The following RPE65 variants were observed in gnomAD, a reference collection of about 807,000 sequenced individuals.
The protein encoded by RPE65 is retinoid isomerohydrolase.
A neutral mutation model predicts 68.5 loss-of-function variants in RPE65; 58 were observed. That is an observed-to-expected ratio of 0.85 (90% CI 0.69 to 1.05). The LOEUF (loss-of-function observed/expected upper bound fraction) is 1.05. Among genes scored for constraint, RPE65 ranks in the 50% least tolerant of loss-of-function variants. The pLI is 0.00. For synonymous variants in RPE65, 220 were observed against 222.2 expected (o/e 0.99, Z 0.09); for missense variants, 643 against 629.9 (o/e 1.02, Z -0.22).
intron 6 of RPE65, among the ~76,000 whole-genome samples, chr1:68,440,403 A>G (rs562468101): frequency 6.6e-6 from 1 of 152,312 alleles, no homozygotes; most frequent in African/African-American, 2.4e-5. Flanking sequence ...TAGTACTTCT[A>G]TGAGATAACA....
chr1:68,444,421 G>T, intron 5 of RPE65, 110 bp downstream of exon 5: 5 of 1,379,982 alleles, frequency 3.6e-6, no homozygotes, highest in Middle Eastern at 1.8e-4. Context: ...GTCATTCTGT[G>T]TGTCCTCATC....
At chr1:68,447,776 T>G (rs2986125) in intron 2 of RPE65, among the ~76,000 whole-genome samples, 63,450 of 151,974 alleles carry the variant, frequency 0.42, 15,431 homozygotes, top group African/African-American at 0.67. Context: ...CATAAACCCA[T>G]GAGGCGGAGC....
chr1:68,444,645 C>T lies in RPE65; in HGVS notation c.381G>A (p.Glu127=). ...CATTAACAAGGGCATTGTCAGTAACCTCTACTCCTCGAAAGTAAGAAAAAA... is the reference window on the plus strand; with the variant it reads ...CATTAACAAGGGCATTGTCAGTAACTTCTACTCCTCGAAAGTAAGAAAAAA... The part of the protein sequence containing the change: ...SRFFSYFRGV[E]VTDNALVNVY... Residue 127 remains glutamate, a synonymous_variant, in exon 5 of 14, where the codon GAG becomes GAA. Transcript: ENST00000262340. The T allele has an allele frequency of 1.9e-6, 3 of 1,614,094 alleles. No individual in the cohort carries two copies. The highest frequency in any genetic ancestry group is 2.5e-6 in the Non-Finnish European group (3 of 1,180,028).
chr1:68,439,453 T>G, intron 7 of RPE65, 108 bp downstream of exon 7: 1 of 1,558,688 alleles, frequency 6.4e-7, no homozygotes, highest in Non-Finnish European at 8.8e-7. Context: ...ATGTTTAAAT[T>G]TAGTTTTCTG....
At chr1:68,431,873 A>G (rs1405604753) in intron 10 of RPE65, among the ~76,000 whole-genome samples, 1 of 152,104 alleles carries the variant, frequency 6.6e-6, no homozygotes, top group African/African-American at 2.4e-5. Flanking sequence ...CTCCAAAGAA[A>G]GGCCTCTGAA....
intron 10 of RPE65, 46 bp from the exon 11 acceptor site, chr1:68,431,631 A>C: frequency 3.3e-6 from 5 of 1,497,522 alleles, no homozygotes; most frequent in Non-Finnish European, 4.6e-6. Flanking sequence ...GAAAGAATTC[A>C]AACAGCCAGA....
chr1:68,447,004 G>A (rs751898884), intron 2 of RPE65, 144 bp from the exon 3 acceptor site: 25 of 1,077,388 alleles, frequency 2.3e-5, no homozygotes, highest in African/African-American at 7.7e-5. Context: ...CAGCCCTCGC[G>A]CTGGACAGCA....
chr1:68,448,663 C>A lies in RPE65; in HGVS notation c.55G>T (p.Val19Leu), dbSNP rs1645959896. ...AGGYKKLFET[V>L]EELSSPLTAH... Reference sequence around the variant, plus strand: ...GTGAGCGGCGAGGACAGTTCCTCCACAGTTTCAAACAGTTTCTTGTAACCA... The same window carrying A: ...GTGAGCGGCGAGGACAGTTCCTCCAAAGTTTCAAACAGTTTCTTGTAACCA... Residue 19 changes from valine (V) to leucine (L), a missense_variant, in exon 2 of 14, where the codon GTG becomes TTG. Transcript: ENST00000262340. 6.2e-7 allele frequency: 1 copy of A among 1,613,736 alleles called. No individual in the cohort carries two copies. The highest frequency in any genetic ancestry group is 2.2e-5 in the East Asian group (1 of 44,864).
intron 2 of RPE65, among the ~76,000 whole-genome samples, chr1:68,448,024 C>G (rs1413968079): frequency 6.6e-6 from 1 of 152,142 alleles, no homozygotes; most frequent in Non-Finnish European, 1.5e-5. Flanking sequence ...TAATTACTGT[C>G]TATTGATCAC....
chr1:68,432,985 A>G (rs1013991333), intron 10 of RPE65, among the ~76,000 whole-genome samples: 3 of 152,182 alleles, frequency 2.0e-5, no homozygotes, highest in Admixed American at 6.5e-5. Context: ...GCATAACACC[A>G]AGGTGTTTGA....
In RPE65 at chr1:68,438,735, A is replaced by G. The variant is rs3118421; in HGVS notation, c.998+207T>C. The stretch of plus-strand genomic sequence containing the variant: ...AATCTTTTGTTTTCAGGTGGGGTTC[A>G]TGGACCCGATTAGTTTTCAATCATT... On this transcript the variant is annotated intron_variant, in intron 9 of 13. Transcript: ENST00000262340. 0.97 allele frequency among the ~76,000 whole-genome samples: 147,470 copies of G among 152,294 alleles called. 71,450 individuals carry two copies. The highest frequency in any genetic ancestry group is 1 in the Middle Eastern group (294 of 294).
At chr1:68,445,419 T>C (rs1317321778) in intron 3 of RPE65, among the ~76,000 whole-genome samples, 1 of 152,158 alleles carries the variant, frequency 6.6e-6, no homozygotes, top group Non-Finnish European at 1.5e-5. Context: ...CCTAGACAGG[T>C]CTGCTAAACC....
At chr1:68,440,749 T>C (rs758038283) in intron 6 of RPE65, 104 bp downstream of exon 6, 2 of 1,445,158 alleles carry the variant, frequency 1.4e-6, no homozygotes, top group South Asian at 2.4e-5. Flanking sequence ...GTAATTTAAC[T>C]ATGCACAAAA....
rs1335886631 is a variant in RPE65 at position 68,429,872 on chromosome 1, G to A, written c.1506C>T (p.Leu502=). ...TTAAGTCCTTGGCATTCAGAATCAG[G>A]AGATAAGCAGGCTTTTGTCCTGCTC... ...SPGAGQKPAY[L]LILNAKDLSE... Residue 502 remains leucine, a synonymous_variant, in exon 14 of 14, where the codon CTC becomes CTT. Transcript: ENST00000262340. The A allele has an allele frequency of 1.2e-6, 2 of 1,613,808 alleles. No homozygotes were observed. Among genetic ancestry groups the A allele is most frequent in the South Asian group, 1.1e-5 (1 of 91,072 alleles).
chr1:68,440,064 C>G (rs974878062), intron 6 of RPE65, among the ~76,000 whole-genome samples: 1 of 152,286 alleles, frequency 6.6e-6, no homozygotes, highest in South Asian at 2.1e-4. Flanking sequence ...TTAAAATTTA[C>G]TCACTAGTAA....
chr1:68,440,101 C>T (rs3125903), intron 6 of RPE65, among the ~76,000 whole-genome samples: 2,610 of 152,276 alleles, frequency 0.017, 78 homozygotes, highest in African/African-American at 0.058. Context: ...CTTTAGTGTG[C>T]ATCAGAATCA....
chr1:68,448,410 A>AG (rs1458593305), intron 2 of RPE65, among the ~76,000 whole-genome samples: 1 of 152,172 alleles, frequency 6.6e-6, no homozygotes, highest in Non-Finnish European at 1.5e-5. Context: ...CCTGATCCTT[A>AG]GGGAATTCCA....
In RPE65 at chr1:68,446,874, G is replaced by A. The variant is rs745691559; in HGVS notation, c.95-14C>T. ...GGGGGATCCTGCCTGTGATGAAGGG[G>A]AGACAGAACATTGCTTCTTATCCCT... is the stretch of plus-strand genomic sequence containing the variant. On this transcript the variant is annotated splice_polypyrimidine_tract_variant and intron_variant, in intron 2 of 13. Coordinates refer to ENST00000262340, the MANE Select transcript of RPE65 (RefSeq NM_000329.3). 23 of 1,612,836 alleles carry A rather than the reference G, an allele frequency of 1.4e-5. No individual in the cohort carries two copies. The South Asian group carries it at 2.0e-4, about 14-fold the overall frequency.
At chr1:68,438,437 A>G (rs988158714) in intron 9 of RPE65, 121 bp from the exon 10 acceptor site, 14 of 1,193,150 alleles carry the variant, frequency 1.2e-5, no homozygotes, top group East Asian at 5.0e-5. Context: ...AGAAACTGCT[A>G]TTGAGCCAGG....
Sources: allele counts gnomAD v4.1 joint callset (sites outside exome capture counted in the v4.1 genomes callset), GRCh38; gene constraint gnomAD v4.1.1; transcripts MANE v1.5; gene names NCBI Gene and HGNC (gene_info 2026-07-23, HGNC 2026-07-21).